PPP1R12A: variants seen among roughly 807,000 people sequenced by gnomAD.
PPP1R12A encodes myosin binding subunit.
In PPP1R12A, 19 loss-of-function variants were observed where a neutral mutation model predicts 139.6. The ratio of observed to expected loss-of-function variants is 0.14; its 90% CI spans 0.09 to 0.20. The LOEUF is 0.20. Ranked by LOEUF, PPP1R12A falls within the 10% of genes least tolerant of loss-of-function variation. The pLI is 1.00. For synonymous variants in PPP1R12A, 427 were observed against 420.6 expected (o/e 1.02, Z -0.19); for missense variants, 925 against 1,211.5 (o/e 0.76, Z 3.51).
chr12:79,890,905 C>CCACACACACACACACA (rs1303227049), intron 1 of PPP1R12A, among the ~76,000 whole-genome samples: 1 of 115,682 alleles, frequency 8.6e-6, no homozygotes, highest in Admixed American at 8.8e-5. Flanking sequence ...CCACACCCAC[C>CCACACACACACACACA]CACACACACA....
chr12:79,832,273 G>T, intron 4 of PPP1R12A, 59 bp downstream of exon 4: 1 of 1,448,818 alleles, frequency 6.9e-7, no homozygotes, highest in Non-Finnish European at 9.2e-7. Context: ...TTAAGAAAAG[G>T]AACAATGAAT....
chr12:79,815,164 A>T (rs1040281096), intron 9 of PPP1R12A, among the ~76,000 whole-genome samples: 7 of 152,200 alleles, frequency 4.6e-5, no homozygotes, highest in African/African-American at 1.7e-4. Context: ...TGAGAAAAAG[A>T]AAAAGAAAAT....
intron 5 of PPP1R12A, chr12:79,823,816 G>T: frequency 6.5e-6 from 1 of 154,308 alleles, no homozygotes; most frequent in African/African-American, 2.4e-5. Flanking sequence ...GGCTGGTTTT[G>T]AACTCCAGGG....
At chr12:79,814,201 G>C (rs1874963122) in intron 9 of PPP1R12A, among the ~76,000 whole-genome samples, 1 of 152,060 alleles carries the variant, frequency 6.6e-6, no homozygotes, top group Non-Finnish European at 1.5e-5. Context: ...TCTTCGGCTG[G>C]GCATGGTGGC....
At chr12:79,920,238 G>T (rs951082294) in intron 1 of PPP1R12A, among the ~76,000 whole-genome samples, 1 of 152,158 alleles carries the variant, frequency 6.6e-6, no homozygotes, top group Non-Finnish European at 1.5e-5. Flanking sequence ...TGATTCCAGG[G>T]ACAAAACATA....
chr12:79,859,361 A>AG (rs1458087072), intron 2 of PPP1R12A, among the ~76,000 whole-genome samples: 1 of 150,638 alleles, frequency 6.6e-6, no homozygotes, highest in Non-Finnish European at 1.5e-5. Context: ...AAAGAAAAAA[A>AG]AAAAAAAACA....
At chr12:79,778,879 T>TA (rs1411237423) in intron 23 of PPP1R12A, 6 of 252,972 alleles carry the variant, frequency 2.4e-5, no homozygotes, top group East Asian at 7.0e-5. Flanking sequence ...ATGTAAAACT[T>TA]AGAGTGAATC....
At chr12:79,782,858 T>C (rs1382298798) in intron 22 of PPP1R12A, among the ~76,000 whole-genome samples, 4 of 152,178 alleles carry the variant, frequency 2.6e-5, no homozygotes, top group Non-Finnish European at 4.4e-5. Flanking sequence ...TAAAAACATA[T>C]TGATTAAACA....
chr12:79,935,307 C>G (rs774350389), upstream of PPP1R12A: 79 of 1,047,538 alleles, frequency 7.5e-5, no homozygotes, highest in Non-Finnish European at 8.3e-5. Flanking sequence ...GGCTGGGCCA[C>G]CAGAGGGAAG....
chr12:79,798,413 A>C, intron 15 of PPP1R12A, 81 bp downstream of exon 15: 1 of 854,904 alleles, frequency 1.2e-6, no homozygotes, highest in Non-Finnish European at 1.7e-6. Context: ...AGAGAAAGGT[A>C]ACTTGTTTTA....
chr12:79,931,054 C>T (rs150624473), intron 1 of PPP1R12A, among the ~76,000 whole-genome samples: 3 of 152,086 alleles, frequency 2.0e-5, no homozygotes, highest in African/African-American at 4.8e-5. Context: ...AAATTCCTGA[C>T]GATGTAAAAT....
chr12:79,920,092 T>A (rs1475110837), intron 1 of PPP1R12A, among the ~76,000 whole-genome samples: 2 of 152,248 alleles, frequency 1.3e-5, no homozygotes, highest in African/African-American at 4.8e-5. Context: ...CAGATTTGCC[T>A]ATTCTGGACA....
chr12:79,817,574 C>G (rs1453624530), intron 8 of PPP1R12A, 56 bp from the exon 9 acceptor site: 2 of 1,456,670 alleles, frequency 1.4e-6, no homozygotes, highest in Non-Finnish European at 9.2e-7. Flanking sequence ...GTCTCAATGG[C>G]TGGGAAAAAA....
At chr12:79,912,921 T>C (rs1403903304) in intron 1 of PPP1R12A, among the ~76,000 whole-genome samples, 1 of 152,192 alleles carries the variant, frequency 6.6e-6, no homozygotes, top group Non-Finnish European at 1.5e-5. Flanking sequence ...GATAAACAAA[T>C]TTTAAATATA....
chr12:79,775,919 T>C lies in PPP1R12A; in HGVS notation c.*10A>G. 8.8e-7 allele frequency: 1 copy of C among 1,132,478 alleles called. No individual in the cohort carries two copies. The highest frequency in any genetic ancestry group is 1.2e-6 in the Non-Finnish European group (1 of 843,338). The allele number at this position is 1,132,478 out of a possible 1,614,324, so 70.2% of individuals were successfully genotyped here. On this transcript the variant is annotated 3_prime_UTR_variant, in exon 25 of 25. Coordinates refer to ENST00000450142, the MANE Select transcript of PPP1R12A (RefSeq NM_002480.3). ...ATGTGCAATTCCATTACTTGCTGCT[T>C]TTTTTTTTTTTATTTGGAAAGTTTG...
intron 13 of PPP1R12A, 142 bp downstream of exon 13, chr12:79,806,024 C>T: frequency 8.4e-7 from 1 of 1,193,296 alleles, no homozygotes; most frequent in Non-Finnish European, 1.2e-6. Flanking sequence ...ATAATTGCCT[C>T]ATTTTGGAAC....
rs1885545033 is a variant in PPP1R12A, at chr12:79,900,559, T to A, written c.238-27621A>T. Among the ~76,000 whole-genome samples the A allele has an allele frequency of 1.3e-5, 2 of 152,188 alleles. 1 individual carries two copies. Among genetic ancestry groups the A allele is most frequent in the South Asian group, 4.1e-4 (2 of 4,832 alleles). ...GCTTTTCAAGGCTATAGCTTTAACA[T>A]CCTTAAACCTAATACCCATGAACAT... On this transcript the variant is annotated intron_variant, in intron 1 of 24. Coordinates refer to ENST00000450142, the MANE Select transcript of PPP1R12A (RefSeq NM_002480.3).
chr12:79,919,040 G>A (rs1052162063), intron 1 of PPP1R12A, among the ~76,000 whole-genome samples: 2 of 151,202 alleles, frequency 1.3e-5, no homozygotes, highest in African/African-American at 4.9e-5. Context: ...CACTTGAACC[G>A]GGGAGGCAGA....
chr12:79,781,439 TTATA>T (rs887098018), intron 23 of PPP1R12A, among the ~76,000 whole-genome samples: 2 of 152,076 alleles, frequency 1.3e-5, no homozygotes, highest in African/African-American at 2.4e-5. Context: ...TATTTTAGGT[TTATA>T]AAGAATTAAA....
Sources: allele counts gnomAD v4.1 joint callset (sites outside exome capture counted in the v4.1 genomes callset), GRCh38; gene constraint gnomAD v4.1.1; transcripts MANE v1.5; gene names NCBI Gene and HGNC (gene_info 2026-07-23, HGNC 2026-07-21).